INSL6: variants seen among roughly 807,000 people sequenced by gnomAD.
The protein encoded by INSL6 is insulin-like peptide INSL6.
Under a neutral mutation model 9.4 loss-of-function variants are expected in INSL6, and 16 were observed. That is an observed-to-expected ratio of 1.70 (90% confidence interval 1.15 to 2.59). INSL6 has a LOEUF of 2.59. INSL6 is among the 30% of genes most tolerant of loss of function. The pLI, the probability that INSL6 is intolerant of heterozygous loss-of-function variation, is 0.00. For missense variants in INSL6, 391 were observed against 257.3 expected (o/e 1.52, Z -3.56); for synonymous variants, 154 against 96.9 (o/e 1.59, Z -3.46).
chr9:5,103,220 G>GAAA, the INSL6 span, among the ~76,000 whole-genome samples: 2 of 6,902 alleles, frequency 2.9e-4, no homozygotes, highest in Admixed American at 1.4e-3. Context: ...CAAAGGGAAA[G>GAAA]CAAAAAAAAA....
At chr9:5,173,575 T>C (rs942431081) in intron 1 of INSL6, among the ~76,000 whole-genome samples, 10 of 149,108 alleles carry the variant, frequency 6.7e-5, no homozygotes, top group African/African-American at 2.5e-4. Context: ...CACGTGAACA[T>C]GGGGAAGCAA....
chr9:5,110,925 G>A, the INSL6 span: 7 of 571,954 alleles, frequency 1.2e-5, no homozygotes, highest in Non-Finnish European at 2.3e-5. Context: ...TGAACCAGCC[G>A]CAGAGGATGG....
chr9:5,030,928 A>G, the INSL6 span, among the ~76,000 whole-genome samples: 4 of 152,180 alleles, frequency 2.6e-5, no homozygotes, highest in East Asian at 7.7e-4. Flanking sequence ...ATGTACAAAA[A>G]TCAACAGCAT....
chr9:5,096,811 G>T, the INSL6 span: 1 of 152,162 alleles, frequency 6.6e-6, no homozygotes, highest in Admixed American at 6.5e-5. Flanking sequence ...ACTCTGCTAG[G>T]AGATGACCAG....
chr9:5,144,268 C>T (rs10115464), intron 2 of INSL6, among the ~76,000 whole-genome samples: 53,757 of 151,982 alleles, frequency 0.35, 10,215 homozygotes, highest in African/African-American at 0.51. Context: ...TACCCAAAAG[C>T]CATTCAGGAG....
At chr9:5,041,195 G>A in the INSL6 span, 2 of 1,432,370 alleles carry the variant, frequency 1.4e-6, no homozygotes, top group Non-Finnish European at 1.9e-6. Flanking sequence ...TTACCAGGAC[G>A]TGAAGCCCGA....
chr9:5,146,017 G>A (rs1446445397), intron 2 of INSL6, among the ~76,000 whole-genome samples: 1 of 152,174 alleles, frequency 6.6e-6, no homozygotes, highest in East Asian at 1.9e-4. Context: ...TTGGAGGAAA[G>A]AAGGTACTCT....
intron 2 of INSL6, among the ~76,000 whole-genome samples, chr9:5,136,592 A>C (rs1444436320): frequency 1.3e-5 from 2 of 152,226 alleles, no homozygotes; most frequent in South Asian, 2.1e-4. Flanking sequence ...AAAAAGTCTC[A>C]ATAAACTAGG....
intron 1 of INSL6, among the ~76,000 whole-genome samples, chr9:5,171,926 T>C (rs1312291011): frequency 6.6e-6 from 1 of 152,162 alleles, no homozygotes; most frequent in Non-Finnish European, 1.5e-5. Flanking sequence ...AATTTATAGT[T>C]TCAATGCTAT....
chr9:5,129,751 T>C (rs1824221483), intron 3 of INSL6, among the ~76,000 whole-genome samples: 1 of 152,160 alleles, frequency 6.6e-6, no homozygotes, highest in African/African-American at 2.4e-5. Flanking sequence ...CACAGTGATA[T>C]TAGATTTCAA....
the INSL6 span, among the ~76,000 whole-genome samples, chr9:5,096,339 C>T: frequency 3.9e-4 from 60 of 152,034 alleles, 1 homozygote; most frequent in Non-Finnish European, 1.3e-4. Context: ...TGTAACAAAC[C>T]CAAGGACTGC....
chr9:5,116,622 T>C, the INSL6 span, among the ~76,000 whole-genome samples: 1 of 152,190 alleles, frequency 6.6e-6, no homozygotes, highest in African/African-American at 2.4e-5. Flanking sequence ...TTGGTTATAC[T>C]TAATGAATAC....
At chr9:5,036,120 T>C in the INSL6 span, among the ~76,000 whole-genome samples, 2 of 152,098 alleles carry the variant, frequency 1.3e-5, no homozygotes, top group South Asian at 4.1e-4. Flanking sequence ...ATGAGTGAAC[T>C]CCCATTCACA....
the INSL6 span, among the ~76,000 whole-genome samples, chr9:5,043,012 G>C: frequency 6.6e-6 from 1 of 152,210 alleles, no homozygotes; most frequent in Non-Finnish European, 1.5e-5. Context: ...GGCGTCGCGC[G>C]GCTCGGCCCC....
the INSL6 span, among the ~76,000 whole-genome samples, chr9:4,994,263 C>A: frequency 6.6e-6 from 1 of 152,156 alleles, no homozygotes; most frequent in Non-Finnish European, 1.5e-5. Flanking sequence ...CACATTGTTT[C>A]ACTTAAAGTC....
intron 3 of INSL6, among the ~76,000 whole-genome samples, chr9:5,125,426 T>C (rs1444368853): frequency 6.6e-6 from 1 of 151,496 alleles, no homozygotes; most frequent in East Asian, 1.9e-4. Flanking sequence ...GTCTGAACAA[T>C]CATTTTCCAT....
chr9:5,153,815 A>G (rs1024940519), intron 2 of INSL6, among the ~76,000 whole-genome samples: 4 of 152,220 alleles, frequency 2.6e-5, no homozygotes, highest in Non-Finnish European at 5.9e-5. Context: ...GCTCAAGGAA[A>G]TAAGAGAGGA....
chr9:5,120,943 G>A (rs955986630), downstream of INSL6, among the ~76,000 whole-genome samples: 2 of 152,298 alleles, frequency 1.3e-5, no homozygotes, highest in African/African-American at 4.8e-5. Flanking sequence ...ATGTGGAAAT[G>A]TTCTAAAAGT....
chr9:5,007,998 G>C, the INSL6 span, among the ~76,000 whole-genome samples: 1 of 152,020 alleles, frequency 6.6e-6, no homozygotes. Context: ...CAAAGTGCTG[G>C]GATTACAGGC....
Sources: allele counts gnomAD v4.1 joint callset (sites outside exome capture counted in the v4.1 genomes callset), GRCh38; gene constraint gnomAD v4.1.1; transcripts MANE v1.5; gene names NCBI Gene and HGNC (gene_info 2026-07-23, HGNC 2026-07-21).